Variants in SLMAP observed in about 807,000 individuals in gnomAD.
SLMAP encodes the protein sarcolemma associated protein.
Under a neutral mutation model 128.8 loss-of-function variants are expected in SLMAP, and 44 were observed. The ratio of observed to expected loss-of-function variants is 0.34; its 90% CI spans 0.27 to 0.44. The LOEUF (loss-of-function observed/expected upper bound fraction) is 0.44. SLMAP is among the 20% of genes least tolerant of loss of function. The probability of loss-of-function intolerance (pLI) is 1.00; values close to 1 mark genes in which losing one functional copy is unlikely to be tolerated. For missense variants in SLMAP, 787 were observed against 985.3 expected (o/e 0.80, Z 2.69); for synonymous variants, 327 against 348.8 (o/e 0.94, Z 0.70).
intron 10 of SLMAP, among the ~76,000 whole-genome samples, chr3:57,863,120 G>C (rs961546347): frequency 6.6e-6 from 1 of 152,212 alleles, no homozygotes; most frequent in African/African-American, 2.4e-5. Context: ...AACAAGCCCA[G>C]AGAGAATCTG....
chr3:57,899,336 C>T (rs17058647), intron 17 of SLMAP: 23,976 of 152,160 alleles, frequency 0.16, 2,428 homozygotes, highest in East Asian at 0.43. Flanking sequence ...GCATGTGGAG[C>T]TGGCGGCCTG....
intron 23 of SLMAP, among the ~76,000 whole-genome samples, chr3:57,924,261 T>A (rs1346983695): frequency 6.6e-6 from 1 of 152,218 alleles, no homozygotes; most frequent in Non-Finnish European, 1.5e-5. Context: ...ATTAAAATAT[T>A]ACTCTGTAAT....
intron 23 of SLMAP, among the ~76,000 whole-genome samples, chr3:57,924,189 A>AT (rs1489008825): frequency 6.6e-6 from 1 of 152,082 alleles, no homozygotes; most frequent in Non-Finnish European, 1.5e-5. Context: ...TGCTATTATT[A>AT]TTTATAGCTA....
At chr3:57,813,943 G>A (rs527414737) in intron 2 of SLMAP, among the ~76,000 whole-genome samples, 1 of 150,580 alleles carries the variant, frequency 6.6e-6, no homozygotes, top group South Asian at 2.1e-4. Flanking sequence ...GTGCCTGTTT[G>A]TACCTTCCCA....
At chr3:57,878,122 C>T (rs913962004) in intron 14 of SLMAP, among the ~76,000 whole-genome samples, 1 of 152,108 alleles carries the variant, frequency 6.6e-6, no homozygotes, top group African/African-American at 2.4e-5. Flanking sequence ...GGATTACAGG[C>T]ATGAGCCACT....
intron 2 of SLMAP, among the ~76,000 whole-genome samples, chr3:57,805,450 C>T (rs1205835375): frequency 6.6e-6 from 1 of 152,196 alleles, no homozygotes; most frequent in Non-Finnish European, 1.5e-5. Context: ...TTTCCAAATA[C>T]AGATACTGGT....
At position 57,925,863 on chromosome 3, in the gene SLMAP, G is replaced by C. The variant is rs554780702; in HGVS notation, c.2464G>C (p.Val822Leu). The change falls in exon 24 of 25, where the codon GTC (valine) becomes CTC (leucine). Residue 822 changes from valine to leucine, a missense_variant. Val to Leu is a conservative substitution (Grantham distance 32). Coordinates refer to ENST00000671191, the MANE Select transcript of SLMAP (RefSeq NM_001377540.1). The part of the protein sequence containing the change: ...KGNNPSILQP[V>L]PAVFIGLFLA... ...TCTTTAGCCTTCCATATTACAACCC[G>C]TCCCAGCCGTATTCATCGGCCTATT... is the stretch of plus-strand genomic sequence containing the variant. The C allele has an allele frequency of 6.4e-7, 1 of 1,550,510 alleles. No homozygotes were observed. The highest frequency in any genetic ancestry group is 1.4e-5 in the African/African-American group (1 of 72,940).
intron 2 of SLMAP, among the ~76,000 whole-genome samples, chr3:57,815,334 AGG>A (rs2091709020): frequency 6.6e-6 from 1 of 152,150 alleles, no homozygotes; most frequent in African/African-American, 2.4e-5. Context: ...ACTATGGATA[AGG>A]GACCCCTGCC....
At chr3:57,920,186 G>C (rs2096890987) in intron 22 of SLMAP, among the ~76,000 whole-genome samples, 1 of 152,212 alleles carries the variant, frequency 6.6e-6, no homozygotes, top group African/African-American at 2.4e-5. Context: ...CTTTGCCTTG[G>C]CAGTATGCCA....
chr3:57,918,536 T>C (rs1160247873), intron 22 of SLMAP: 1 of 152,208 alleles, frequency 6.6e-6, no homozygotes, highest in African/African-American at 2.4e-5. Context: ...CTGTTTTCCA[T>C]TGTGAAATGA....
chr3:57,913,907 A>G (rs2153693574), intron 21 of SLMAP, among the ~76,000 whole-genome samples: 1 of 152,190 alleles, frequency 6.6e-6, no homozygotes, highest in East Asian at 1.9e-4. Flanking sequence ...GCAGTGAGCC[A>G]CGATCATGCC....
chr3:57,826,280 A>G (rs371381979), intron 2 of SLMAP, among the ~76,000 whole-genome samples: 9 of 152,268 alleles, frequency 5.9e-5, no homozygotes, highest in African/African-American at 2.2e-4. Flanking sequence ...GTTTTGAAAT[A>G]GAAGTTTACA....
chr3:57,843,257 C>G lies in SLMAP; in HGVS notation c.419+1886C>G, dbSNP rs538912336. ...CTTCCTTAATTTTTATTACACTGCA[C>G]AAATAATTTTCCTTTTGTTTTGTTT... On this transcript the variant is annotated intron_variant, in intron 4 of 24. Coordinates refer to ENST00000671191, the MANE Select transcript of SLMAP (RefSeq NM_001377540.1). Among the ~76,000 whole-genome samples the G allele has an allele frequency of 4.0e-5, 6 of 148,660 alleles. No homozygotes were observed. In the East Asian group the frequency reaches 1.2e-3, roughly 30 times the overall value.
chr3:57,917,204 G>C lies in SLMAP; in HGVS notation c.2310+127G>C, dbSNP rs746484257. 1.8e-5 allele frequency: 28 copies of C among 1,539,416 alleles called. No individual in the cohort carries two copies. The South Asian group carries it at 3.4e-4, about 19-fold the overall frequency. ...ATTACCTGTCACAAAATTGATACTT[G>C]GAACATCTCTGCTTGGTGATTTCTA... On this transcript the variant is annotated intron_variant, in intron 22 of 24. Coordinates refer to ENST00000671191, the MANE Select transcript of SLMAP (RefSeq NM_001377540.1).
At chr3:57,873,866 A>G (rs2095541989) in intron 14 of SLMAP, among the ~76,000 whole-genome samples, 2 of 152,150 alleles carry the variant, frequency 1.3e-5, no homozygotes, top group Admixed American at 6.6e-5. Flanking sequence ...TATGCCTATA[A>G]TCCCAGTACT....
intron 2 of SLMAP, among the ~76,000 whole-genome samples, chr3:57,817,233 A>G (rs924512305): frequency 7.2e-5 from 11 of 152,210 alleles, no homozygotes; most frequent in African/African-American, 2.2e-4. Context: ...TGCAATTGAG[A>G]GATTTTACTG....
chr3:57,833,090 C>T lies in SLMAP; in HGVS notation c.346+1560C>T, dbSNP rs1292370963. On this transcript the variant is annotated intron_variant, in intron 3 of 24. Coordinates refer to ENST00000671191, the MANE Select transcript of SLMAP (RefSeq NM_001377540.1). ...GAGAATTTGATTACATTGTCTTTCT[C>T]TCCAAGGAATGTCTGTCTTCTTGGC... is the stretch of plus-strand genomic sequence containing the variant. Among the ~76,000 whole-genome samples the T allele has an allele frequency of 2.0e-5, 3 of 152,312 alleles. No homozygotes were observed. In the East Asian group the frequency reaches 5.8e-4, roughly 29 times the overall value.
At chr3:57,762,169 T>G (rs1360593245) in intron 2 of SLMAP, among the ~76,000 whole-genome samples, 1 of 148,976 alleles carries the variant, frequency 6.7e-6, no homozygotes, top group Non-Finnish European at 1.5e-5. Context: ...GAGATCGAGA[T>G]CATCCTGGCT....
intron 13 of SLMAP, among the ~76,000 whole-genome samples, chr3:57,869,630 T>TTTTA (rs1451155377): frequency 8.0e-5 from 6 of 75,466 alleles, no homozygotes; most frequent in South Asian, 4.6e-4. Context: ...CCCATCTCTA[T>TTTTA]TATATATATA....
Sources: gnomAD v4.1 joint callset for allele counts (sites outside exome capture counted in the v4.1 genomes callset) on GRCh38, gnomAD v4.1.1 for gene constraint, MANE v1.5 for transcripts, NCBI Gene and HGNC (gene_info 2026-07-23, HGNC 2026-07-21) for gene names.